EYS: variants seen among roughly 807,000 people sequenced by gnomAD.
EYS encodes EGF-like photoreceptor maintenance factor.
EYS carries 250 observed loss-of-function variants against 282.1 expected under a neutral mutation model. That is an observed-to-expected ratio of 0.89 (90% confidence interval 0.80 to 0.98). The LOEUF (loss-of-function observed/expected upper bound fraction) is 0.98, where lower values mean the gene tolerates loss of function less well. Ranked by LOEUF, EYS falls within the 50% of genes least tolerant of loss-of-function variation. The probability of loss-of-function intolerance (pLI) is 0.00; values close to 1 mark genes in which losing one functional copy is unlikely to be tolerated. For missense variants in EYS, 4,016 were observed against 3,709.0 expected (o/e 1.08, Z -2.15); for synonymous variants, 1,355 against 1,282.9 (o/e 1.06, Z -1.20).
intron 35 of EYS, among the ~76,000 whole-genome samples, chr6:63,904,564 G>A (rs1773731427): frequency 6.6e-6 from 1 of 152,152 alleles, no homozygotes; most frequent in Non-Finnish European, 1.5e-5. Context: ...GTAGAAAATG[G>A]TGACCTTCCA....
intron 21 of EYS, among the ~76,000 whole-genome samples, chr6:64,819,783 A>G (rs115426720): frequency 0.012 from 1,791 of 152,136 alleles, 37 homozygotes; most frequent in African/African-American, 0.04. Context: ...AAGAGTGTCC[A>G]GACTTTATAA....
intron 16 of EYS, among the ~76,000 whole-genome samples, chr6:64,911,719 G>A (rs369769643): frequency 2.0e-5 from 3 of 151,978 alleles, no homozygotes; most frequent in African/African-American, 7.2e-5. Context: ...TCTGAAAACC[G>A]GCCATGTGTT....
intron 31 of EYS, among the ~76,000 whole-genome samples, chr6:64,230,169 C>T (rs1766377767): frequency 1.3e-5 from 2 of 152,076 alleles, no homozygotes; most frequent in Non-Finnish European, 2.9e-5. Flanking sequence ...ATGTACTATT[C>T]TTAAACACTA....
At chr6:64,069,930 A>G (rs1771512188) in intron 32 of EYS, among the ~76,000 whole-genome samples, 1 of 152,166 alleles carries the variant, frequency 6.6e-6, no homozygotes, top group Admixed American at 6.6e-5. Context: ...CAAATAAGAA[A>G]CAGCAAGAGA....
intron 13 of EYS, among the ~76,000 whole-genome samples, chr6:65,020,014 T>G (rs1226480881): frequency 6.6e-6 from 1 of 152,046 alleles, no homozygotes; most frequent in African/African-American, 2.4e-5. Flanking sequence ...ACCCCCATGA[T>G]TCAATTACCT....
chr6:64,730,098 C>CT (rs1412207179), intron 22 of EYS, among the ~76,000 whole-genome samples: 2 of 152,006 alleles, frequency 1.3e-5, no homozygotes, highest in African/African-American at 2.4e-5. Context: ...ATTTTTGTTT[C>CT]TTTTTTTCTT....
At chr6:65,174,054 A>G (rs1263159035) in intron 12 of EYS, among the ~76,000 whole-genome samples, 2 of 151,254 alleles carry the variant, frequency 1.3e-5, no homozygotes, top group Non-Finnish European at 3.0e-5. Flanking sequence ...CCCACATGAT[A>G]CAAAATAATA....
At chr6:64,925,318 A>T (rs1043885400) in intron 15 of EYS, among the ~76,000 whole-genome samples, 1 of 152,164 alleles carries the variant, frequency 6.6e-6, no homozygotes, top group Non-Finnish European at 1.5e-5. Context: ...CCCACAATAC[A>T]TGGGAATTCT....
At chr6:65,160,164 C>A (rs1764819970) in intron 12 of EYS, among the ~76,000 whole-genome samples, 1 of 150,798 alleles carries the variant, frequency 6.6e-6, no homozygotes, top group African/African-American at 2.4e-5. Flanking sequence ...TGAAAGCTAA[C>A]TATGGTCTAC....
At chr6:64,134,263 G>A (rs1193258454) in intron 31 of EYS, among the ~76,000 whole-genome samples, 1 of 152,018 alleles carries the variant, frequency 6.6e-6, no homozygotes, top group Non-Finnish European at 1.5e-5. Flanking sequence ...TAGAAATGAT[G>A]AGGAAGGCCT....
chr6:63,798,235 CAT>C (rs1388147100), intron 37 of EYS, among the ~76,000 whole-genome samples: 8 of 152,202 alleles, frequency 5.3e-5, no homozygotes, highest in Admixed American at 3.9e-4. Flanking sequence ...ATACTAGTCA[CAT>C]GTGACAATTT....
intron 7 of EYS, among the ~76,000 whole-genome samples, chr6:65,391,659 G>C (rs538795516): frequency 2.0e-5 from 3 of 152,030 alleles, no homozygotes; most frequent in Admixed American, 2.0e-4. Context: ...CACCGCTCAA[G>C]GAAATAAAAG....
chr6:64,702,233 A>G (rs367616333), intron 22 of EYS, among the ~76,000 whole-genome samples: 1 of 152,096 alleles, frequency 6.6e-6, no homozygotes, highest in Non-Finnish European at 1.5e-5. Context: ...ATACAAAAAA[A>G]GAAGTTTCAC....
chr6:64,593,777 G>C (rs1766482893), intron 24 of EYS, among the ~76,000 whole-genome samples: 1 of 152,070 alleles, frequency 6.6e-6, no homozygotes, highest in Admixed American at 6.6e-5. Flanking sequence ...GTTTGTATTG[G>C]CTTGCAGTAG....
At chr6:65,687,108 GTTC>G (rs1388657719) in intron 1 of EYS, among the ~76,000 whole-genome samples, 2 of 152,008 alleles carry the variant, frequency 1.3e-5, no homozygotes. Flanking sequence ...CCATATTACT[GTTC>G]TTCTTGTGTT....
intron 12 of EYS, among the ~76,000 whole-genome samples, chr6:65,173,019 T>C (rs970632467): frequency 6.6e-6 from 1 of 150,978 alleles, no homozygotes; most frequent in Non-Finnish European, 1.5e-5. Flanking sequence ...ATAAGAAACA[T>C]GAATTTTAAT....
chr6:65,680,225 G>A (rs576508965), intron 1 of EYS, among the ~76,000 whole-genome samples: 1 of 151,724 alleles, frequency 6.6e-6, no homozygotes, highest in African/African-American at 2.4e-5. Flanking sequence ...TAATCTTACT[G>A]ATCACACTTG....
At chr6:64,551,913 A>G (rs1247019690) in intron 26 of EYS, among the ~76,000 whole-genome samples, 1 of 152,124 alleles carries the variant, frequency 6.6e-6, no homozygotes, top group African/African-American at 2.4e-5. Context: ...CTGATATGAG[A>G]TGGTATCTCA....
intron 30 of EYS, among the ~76,000 whole-genome samples, chr6:64,305,559 T>C (rs928815864): frequency 6.6e-6 from 1 of 152,138 alleles, no homozygotes; most frequent in Non-Finnish European, 1.5e-5. Context: ...TGGAGTAGAA[T>C]GAGAAGCCCA....
Sources: allele counts gnomAD v4.1 joint callset (sites outside exome capture counted in the v4.1 genomes callset), GRCh38; gene constraint gnomAD v4.1.1; transcripts MANE v1.5; gene names NCBI Gene and HGNC (gene_info 2026-07-23, HGNC 2026-07-21).